MTRR: variants seen among roughly 807,000 people sequenced by gnomAD.
MTRR encodes the protein 5-methyltetrahydrofolate-homocysteine methyltransferase reductase, also known as methionine synthase reductase.
In MTRR, 63 loss-of-function variants were observed where a neutral mutation model predicts 79.2. The observed-to-expected ratio is 0.80, with a 90% confidence interval of 0.65 to 0.98. MTRR has a LOEUF of 0.98. Among genes scored for constraint, MTRR ranks in the 50% least tolerant of loss-of-function variants. The pLI is 0.00. For synonymous variants in MTRR, 355 were observed against 313.3 expected (o/e 1.13, Z -1.41); for missense variants, 895 against 839.6 (o/e 1.07, Z -0.82).
In MTRR at chr5:7,884,356, T is replaced by G. The variant is rs555274821; in HGVS notation, c.903+1079T>G. ...TTTCAGATACCCAAATCCTCAAAGC[T>G]CAAGTCCCTTATGTAAAATGTTACA... On this transcript the variant is annotated intron_variant, in intron 6 of 14. Coordinates refer to ENST00000440940, the MANE Select transcript of MTRR (RefSeq NM_002454.3). Among the ~76,000 whole-genome samples, 473 of 152,268 alleles carry G rather than the reference T, an allele frequency of 3.1e-3. 4 individuals are homozygous for G. The highest frequency in any genetic ancestry group is 0.011 in the African/African-American group (455 of 41,552).
chr5:7,868,395 T>C (rs1426312865), upstream of MTRR, among the ~76,000 whole-genome samples: 1 of 152,160 alleles, frequency 6.6e-6, no homozygotes, highest in Non-Finnish European at 1.5e-5. Context: ...AGGAAGAAGT[T>C]GAAGCACAAA....
At chr5:7,865,177 A>ATT (rs1746855125), upstream of MTRR, among the ~76,000 whole-genome samples, 2 of 152,184 alleles carry the variant, frequency 1.3e-5, no homozygotes, top group African/African-American at 4.8e-5. Context: ...GGGCGTAGAA[A>ATT]CTGCTTTTAA....
chr5:7,872,186 T>C (rs1446815801), intron 2 of MTRR: 2 of 444,960 alleles, frequency 4.5e-6, no homozygotes, highest in Non-Finnish European at 4.5e-6. Flanking sequence ...CTTGGAAGCA[T>C]TAAATACTTC....
chr5:7,897,876 A>G (rs1738801357), intron 14 of MTRR, among the ~76,000 whole-genome samples: 1 of 152,162 alleles, frequency 6.6e-6, no homozygotes, highest in Non-Finnish European at 1.5e-5. Context: ...TTTTTCATCC[A>G]AACACATTCC....
intron 14 of MTRR, among the ~76,000 whole-genome samples, chr5:7,898,473 G>A (rs1341665341): frequency 6.6e-6 from 1 of 152,158 alleles, no homozygotes; most frequent in Non-Finnish European, 1.5e-5. Context: ...AGCATTAATA[G>A]CAGTGGTCAG....
At position 7,892,905 on chromosome 5, in the gene MTRR, G is replaced by A. The variant is rs149581788; in HGVS notation, c.1549G>A (p.Ala517Thr). The part of the protein sequence containing the change: ...ASHEDSGKAL[A>T]PKISISPRTT... ...CCATGAAGACAGCGGGAAAGCCCTG[G>A]CTCCTAAGGTAAGAAATTAGTACCT... Residue 517 changes from alanine to threonine, a missense_variant, in exon 11 of 15, where the codon GCT becomes ACT. Transcript: ENST00000440940. The A allele has an allele frequency of 6.2e-7, 1 of 1,614,010 alleles. No homozygotes were observed. Among genetic ancestry groups the A allele is most frequent in the South Asian group, 1.1e-5 (1 of 91,078 alleles).
chr5:7,856,607 T>TA (rs767883556), intron 1 of MTRR, among the ~76,000 whole-genome samples: 18 of 152,178 alleles, frequency 1.2e-4, no homozygotes, highest in Non-Finnish European at 2.2e-4. Context: ...TTTCACTATC[T>TA]ACACTAAGTA....
chr5:7,858,701 ATCCCTCC>A (rs969635189), intron 1 of MTRR, among the ~76,000 whole-genome samples: 10 of 151,902 alleles, frequency 6.6e-5, no homozygotes, highest in African/African-American at 2.2e-4. Flanking sequence ...GTTCAATTGT[ATCCCTCC>A]TCCCTCCTTC....
chr5:7,884,836 C>CT (rs1359727470), intron 6 of MTRR, among the ~76,000 whole-genome samples: 1 of 152,190 alleles, frequency 6.6e-6, no homozygotes, highest in African/African-American at 2.4e-5. Context: ...AGCAAGGGCA[C>CT]ATTAAGGCTG....
chr5:7,869,075 G>C (rs1747342584), upstream of MTRR: 2 of 1,585,734 alleles, frequency 1.3e-6, no homozygotes, highest in South Asian at 2.2e-5. Context: ...ACTCAGGGCG[G>C]CGCAATGTGA....
rs760163475 is a variant in MTRR, at chr5:7,889,222, T to C, written c.1274T>C (p.Leu425Ser). The C allele has an allele frequency of 3.1e-6, 5 of 1,613,558 alleles. No homozygotes were observed. The highest frequency in any genetic ancestry group is 1.3e-5 in the African/African-American group (1 of 75,042). Reference protein sequence around the residue: ...RFVRDACACLLDLLLAFPSCQ... With the variant: ...RFVRDACACLSDLLLAFPSCQ... ...GTACGAGATGCCTGTGCCTGCTTGT[T>C]GGATCTCCTCCTCGCTTTCCCTTCT... Residue 425 changes from leucine (L) to serine (S), a missense_variant, in exon 9 of 15, where the codon TTG becomes TCG. Transcript: ENST00000440940.
At chr5:7,889,396 A>G in intron 9 of MTRR, 121 bp downstream of exon 9, 1 of 1,004,060 alleles carries the variant, frequency 1.0e-6, no homozygotes, top group Non-Finnish European at 1.5e-6. Context: ...TGCCTAAAGA[A>G]TATATCTAAA....
At chr5:7,899,022 G>A (rs992470736) in intron 14 of MTRR, among the ~76,000 whole-genome samples, 2 of 152,098 alleles carry the variant, frequency 1.3e-5, no homozygotes, top group East Asian at 1.9e-4. Context: ...AGGCAAAGGG[G>A]GAGCAGGCAC....
chr5:7,879,485 AGTT>A (rs1375577892), intron 5 of MTRR, among the ~76,000 whole-genome samples: 3 of 143,386 alleles, frequency 2.1e-5, no homozygotes, highest in Admixed American at 7.1e-5. Flanking sequence ...AAAAAAAAAA[AGTT>A]TCTGGGTTTT....
chr5:7,854,532 C>T (rs1419891673), intron 1 of MTRR, among the ~76,000 whole-genome samples: 5 of 152,194 alleles, frequency 3.3e-5, no homozygotes, highest in Admixed American at 3.3e-4. Flanking sequence ...AGAATCATGG[C>T]AGGAGATGAA....
chr5:7,857,279 T>G (rs994491658), intron 1 of MTRR, among the ~76,000 whole-genome samples: 2 of 152,210 alleles, frequency 1.3e-5, no homozygotes, highest in African/African-American at 4.8e-5. Flanking sequence ...AGATCACTTT[T>G]GTTTGTACAG....
chr5:7,879,085 T>TTA, intron 5 of MTRR, among the ~76,000 whole-genome samples: 1 of 152,374 alleles, frequency 6.6e-6, no homozygotes. Context: ...TTTTAGCATC[T>TTA]TTTATAATGT....
chr5:7,867,162 G>A, upstream of MTRR: 1 of 1,614,120 alleles, frequency 6.2e-7, no homozygotes, highest in African/African-American at 1.3e-5. Context: ...GCTTGACTTT[G>A]ATCAAGAACC....
chr5:7,900,607 ATATTT>A lies in MTRR; in HGVS notation c.*552_*556del, dbSNP rs1279601108. 6.5e-6 allele frequency: 1 copy of A among 153,060 alleles called. No individual in the cohort carries two copies. The highest frequency in any genetic ancestry group is 1.5e-5 in the Non-Finnish European group (1 of 68,342). The allele number at this position is 153,060 out of a possible 1,614,324, so 9.5% of individuals were successfully genotyped here. ...ACTAAAGCTATATTTCTGATAAAAA[ATATTT>A]TAGGATAATTGCCTACAGAGGGATT... On this transcript the variant is annotated 3_prime_UTR_variant, in exon 15 of 15. Coordinates refer to ENST00000440940, the MANE Select transcript of MTRR (RefSeq NM_002454.3).
Sources: allele counts gnomAD v4.1 joint callset (sites outside exome capture counted in the v4.1 genomes callset), GRCh38; gene constraint gnomAD v4.1.1; transcripts MANE v1.5; gene names NCBI Gene and HGNC (gene_info 2026-07-23, HGNC 2026-07-21).